Variants in LTBP1 observed in about 807,000 individuals in gnomAD.
LTBP1 encodes the protein latent-transforming growth factor beta-binding protein 1.
Under a neutral mutation model 207.6 loss-of-function variants are expected in LTBP1, and 129 were observed. That is an observed-to-expected ratio of 0.62 (90% CI 0.54 to 0.72). The LOEUF is 0.72. LTBP1 is among the 30% of genes least tolerant of loss of function. LTBP1 has a pLI of 0.00. For missense variants in LTBP1, 2,281 were observed against 2,217.2 expected (o/e 1.03, Z -0.58); for synonymous variants, 963 against 833.7 (o/e 1.16, Z -2.67).
chr2:33,365,542 G>A, intron 31 of LTBP1, 39 bp downstream of exon 31: 1 of 1,596,186 alleles, frequency 6.3e-7, no homozygotes, highest in Non-Finnish European at 8.6e-7. Context: ...GAGGCCTTTG[G>A]GGACAAGTTC....
At chr2:33,089,794 C>T (rs2078976247) in intron 3 of LTBP1, among the ~76,000 whole-genome samples, 1 of 152,178 alleles carries the variant, frequency 6.6e-6, no homozygotes, top group African/African-American at 2.4e-5. Flanking sequence ...ATATCAGGGA[C>T]ACTTTTCACC....
At position 32,960,212 on chromosome 2, in the gene LTBP1, A is replaced by G. The variant is rs1678868222; in HGVS notation, c.565+11267A>G. The stretch of plus-strand genomic sequence containing the variant: ...ACGGGAAGAGTACCCTCATCACACA[A>G]CTTCATTCATGTTGTTGTGAATGTC... On this transcript the variant is annotated intron_variant, in intron 2 of 33. Coordinates refer to ENST00000404816, the MANE Select transcript of LTBP1 (RefSeq NM_206943.4). Among the ~76,000 whole-genome samples the G allele has an allele frequency of 2.7e-5, 4 of 150,740 alleles. No homozygotes were observed. The Admixed American group carries it at 2.7e-4, about 10-fold the overall frequency.
At chr2:33,107,616 A>G (rs2080141857) in intron 3 of LTBP1, among the ~76,000 whole-genome samples, 1 of 152,222 alleles carries the variant, frequency 6.6e-6, no homozygotes, top group South Asian at 2.1e-4. Context: ...TTGGGATAGT[A>G]GCTCTTCATC....
At chr2:32,953,718 C>T (rs1677580564) in intron 2 of LTBP1, among the ~76,000 whole-genome samples, 1 of 152,140 alleles carries the variant, frequency 6.6e-6, no homozygotes, top group Admixed American at 6.5e-5. Flanking sequence ...GAACCCTGGG[C>T]CCTTAGGAAG....
intron 26 of LTBP1, among the ~76,000 whole-genome samples, chr2:33,355,276 A>T (rs140278109): frequency 6.6e-6 from 1 of 151,944 alleles, no homozygotes; most frequent in African/African-American, 2.4e-5. Flanking sequence ...CTTTCTCTGC[A>T]GTACAGCTAT....
chr2:33,376,575 C>T (rs769334940), intron 31 of LTBP1, among the ~76,000 whole-genome samples: 3 of 152,214 alleles, frequency 2.0e-5, no homozygotes, highest in Admixed American at 6.5e-5. Context: ...TTCTTGCTTC[C>T]GTGCTAACGG....
chr2:33,263,285 C>G lies in LTBP1; in HGVS notation c.2519-9C>G. 1 of 1,569,680 alleles carries G rather than the reference C, an allele frequency of 6.4e-7. No individual in the cohort carries two copies. Among genetic ancestry groups the G allele is most frequent in the Non-Finnish European group, 8.8e-7 (1 of 1,140,244 alleles). Reference sequence around the variant, plus strand: ...TAATTTTCTTTTTATCCTCTGCTTCCTCATATAGTAGTGATTGAAAAAACA... The same window carrying G: ...TAATTTTCTTTTTATCCTCTGCTTCGTCATATAGTAGTGATTGAAAAAACA... On this transcript the variant is annotated splice_polypyrimidine_tract_variant and intron_variant, in intron 14 of 33. Transcript: ENST00000404816.
chr2:33,315,410 A>G (rs2094254521), intron 24 of LTBP1, 141 bp downstream of exon 24: 1 of 1,030,948 alleles, frequency 9.7e-7, no homozygotes, highest in Non-Finnish European at 1.4e-6. Context: ...AGTAAACCAT[A>G]TCTGAAAGCA....
chr2:33,322,993 A>G (rs562442938), intron 24 of LTBP1, among the ~76,000 whole-genome samples: 50 of 152,114 alleles, frequency 3.3e-4, no homozygotes, highest in African/African-American at 1.1e-3. Context: ...TGAGATCGGG[A>G]TTGTTTTCTG....
rs1680238738 is a variant in LTBP1, at chr2:32,967,900, T to G, written c.565+18955T>G. Among the ~76,000 whole-genome samples, 3 of 152,312 alleles carry G rather than the reference T, an allele frequency of 2.0e-5. No individual in the cohort carries two copies. The South Asian group carries it at 6.2e-4, about 32-fold the overall frequency. On this transcript the variant is annotated intron_variant, in intron 2 of 33. Transcript: ENST00000404816. ...TTTTCTGCATGCTGGATCTGTTCAT[T>G]TTGTGATAAAGGAGTATTGAAGTAT...
chr2:32,992,604 G>A (rs1684589290), intron 2 of LTBP1, among the ~76,000 whole-genome samples: 1 of 152,166 alleles, frequency 6.6e-6, no homozygotes, highest in African/African-American at 2.4e-5. Context: ...CACAGACCTG[G>A]ATTTGGATCC....
At chr2:33,289,631 T>A (rs1267563403) in intron 19 of LTBP1, among the ~76,000 whole-genome samples, 1 of 152,188 alleles carries the variant, frequency 6.6e-6, no homozygotes, top group Non-Finnish European at 1.5e-5. Flanking sequence ...CTCCTGAGTT[T>A]CTAGGATTAT....
chr2:33,389,400 G>A (rs2095296071), intron 32 of LTBP1, 94 bp downstream of exon 32: 11 of 1,533,300 alleles, frequency 7.2e-6, no homozygotes, highest in Non-Finnish European at 9.8e-6. Context: ...TAGCAATGCA[G>A]CATTTCTGGT....
At chr2:33,259,420 G>A (rs181009704) in intron 12 of LTBP1, among the ~76,000 whole-genome samples, 168 bp from the exon 13 acceptor site, 58 of 152,310 alleles carry the variant, frequency 3.8e-4, no homozygotes, top group Non-Finnish European at 7.9e-4. Context: ...TGTTAGTCAT[G>A]TGTAAAATTC....
intron 2 of LTBP1, among the ~76,000 whole-genome samples, chr2:33,001,940 A>G (rs219171): frequency 0.55 from 73,578 of 132,906 alleles, 28,489 homozygotes; most frequent in East Asian, 0.89. Context: ...TCAGTCTTAG[A>G]CGCTTGCAGA....
intron 10 of LTBP1, among the ~76,000 whole-genome samples, chr2:33,249,845 C>T (rs1192633824): frequency 6.6e-6 from 1 of 152,212 alleles, no homozygotes; most frequent in African/African-American, 2.4e-5. Flanking sequence ...TTTATTATCA[C>T]TCCTCAGTTT....
chr2:32,962,357 T>G (rs1679258933), intron 2 of LTBP1, among the ~76,000 whole-genome samples: 1 of 152,214 alleles, frequency 6.6e-6, no homozygotes, highest in Admixed American at 6.5e-5. Context: ...AAGGTTATGT[T>G]AAGTTAGTCC....
intron 5 of LTBP1, among the ~76,000 whole-genome samples, chr2:33,176,079 A>G (rs2086016271): frequency 1.3e-5 from 2 of 151,636 alleles, no homozygotes; most frequent in Admixed American, 1.3e-4. Context: ...TGGGTGCAGC[A>G]CACCAGCATG....
intron 11 of LTBP1, among the ~76,000 whole-genome samples, chr2:33,257,043 A>C: frequency 6.6e-6 from 1 of 151,630 alleles, no homozygotes; most frequent in East Asian, 1.9e-4. Flanking sequence ...TGATTTGGGT[A>C]GGATAAGGAA....
Sources: allele counts gnomAD v4.1 joint callset (sites outside exome capture counted in the v4.1 genomes callset), GRCh38; gene constraint gnomAD v4.1.1; transcripts MANE v1.5; gene names NCBI Gene and HGNC (gene_info 2026-07-23, HGNC 2026-07-21).